The following MAP2K1 variants were observed in gnomAD, a reference collection of about 807,000 sequenced individuals.
The protein encoded by MAP2K1 is mitogen-activated protein kinase kinase 1.
Under a neutral mutation model 46.3 loss-of-function variants are expected in MAP2K1, and 16 were observed. The ratio of observed to expected loss-of-function variants is 0.35; its 90% CI spans 0.23 to 0.52. MAP2K1 has a LOEUF of 0.52. Among genes scored for constraint, MAP2K1 ranks in the 20% least tolerant of loss-of-function variants. The pLI is 0.94. For synonymous variants in MAP2K1, 183 were observed against 185.6 expected (o/e 0.99, Z 0.11); for missense variants, 263 against 497.1 (o/e 0.53, Z 4.48).
chr15:66,414,124 C>T (rs898673231), intron 1 of MAP2K1, among the ~76,000 whole-genome samples: 7 of 152,040 alleles, frequency 4.6e-5, no homozygotes. Context: ...CAGGTTATCT[C>T]CAACTCACCT....
At chr15:66,457,594 T>A (rs1892199668) in intron 5 of MAP2K1, among the ~76,000 whole-genome samples, 1 of 152,174 alleles carries the variant, frequency 6.6e-6, no homozygotes, top group African/African-American at 2.4e-5. Flanking sequence ...GTCCTTTTTT[T>A]ATAGAAAAAT....
intron 4 of MAP2K1, 117 bp from the exon 5 acceptor site, chr15:66,444,539 A>T (rs1891811368): frequency 1.2e-6 from 1 of 812,698 alleles, no homozygotes; most frequent in African/African-American, 1.7e-5. Context: ...GTCTCAAAGG[A>T]GGAAGGCAAA....
intron 1 of MAP2K1, among the ~76,000 whole-genome samples, chr15:66,434,257 ATTTT>A (rs2093481764): frequency 6.6e-6 from 1 of 152,152 alleles, no homozygotes; most frequent in Non-Finnish European, 1.5e-5. Context: ...AAACTCTAGA[ATTTT>A]ATATTGTGAT....
intron 5 of MAP2K1, among the ~76,000 whole-genome samples, chr15:66,469,782 A>G (rs1158838137): frequency 6.8e-6 from 1 of 146,718 alleles, no homozygotes; most frequent in Non-Finnish European, 1.5e-5. Context: ...CTTTAAAAAA[A>G]TCTGTTTAAA....
chr15:66,485,887 T>C (rs1241268906), intron 7 of MAP2K1, among the ~76,000 whole-genome samples: 2 of 152,042 alleles, frequency 1.3e-5, no homozygotes, highest in Non-Finnish European at 2.9e-5. Flanking sequence ...GCTTCTAATT[T>C]GTGGGTTTTT....
intron 3 of MAP2K1, among the ~76,000 whole-genome samples, chr15:66,439,560 A>G (rs560090650): frequency 6.6e-6 from 1 of 152,192 alleles, no homozygotes; most frequent in African/African-American, 2.4e-5. Context: ...TGAGGTCAGG[A>G]GTTCGAGACC....
At chr15:66,429,589 G>A (rs757390858) in intron 1 of MAP2K1, among the ~76,000 whole-genome samples, 55 of 151,234 alleles carry the variant, frequency 3.6e-4, no homozygotes, top group South Asian at 8.4e-4. Context: ...AAGGATTGAG[G>A]TATGGGAAGG....
chr15:66,396,995 C>CTTTTTT (rs57043037), intron 1 of MAP2K1, among the ~76,000 whole-genome samples: 1 of 39,276 alleles, frequency 2.5e-5, no homozygotes, highest in African/African-American at 1.0e-4. Flanking sequence ...TGTAACGCTT[C>CTTTTTT]TTTTTTTTTT....
chr15:66,394,527 C>T (rs537250481), intron 1 of MAP2K1, among the ~76,000 whole-genome samples: 1 of 140,848 alleles, frequency 7.1e-6, no homozygotes, highest in East Asian at 2.1e-4. Context: ...TGCATTGGTG[C>T]TCACTATAAC....
intron 3 of MAP2K1, among the ~76,000 whole-genome samples, chr15:66,438,518 T>C (rs1318759258): frequency 6.6e-6 from 1 of 152,262 alleles, no homozygotes; most frequent in Non-Finnish European, 1.5e-5. Context: ...CTTACAGATG[T>C]TGATCACATC....
chr15:66,420,974 T>TACACAC, intron 1 of MAP2K1, among the ~76,000 whole-genome samples: 1 of 35,294 alleles, frequency 2.8e-5, no homozygotes, highest in Non-Finnish European at 5.4e-5. Flanking sequence ...TACACACACA[T>TACACAC]ACATACACAC....
chr15:66,398,333 T>C (rs2093373199), intron 1 of MAP2K1, among the ~76,000 whole-genome samples: 2 of 152,108 alleles, frequency 1.3e-5, no homozygotes, highest in Admixed American at 6.6e-5. Context: ...GGAGGATTGC[T>C]TGAGCCCAGG....
At chr15:66,485,985 A>G (rs957233415) in intron 7 of MAP2K1, among the ~76,000 whole-genome samples, 11 of 151,728 alleles carry the variant, frequency 7.2e-5, no homozygotes, top group African/African-American at 2.4e-4. Context: ...TGCAGCCTTG[A>G]CCTCTTGGGC....
chr15:66,457,717 T>G (rs996101392), intron 5 of MAP2K1, among the ~76,000 whole-genome samples: 2 of 152,170 alleles, frequency 1.3e-5, no homozygotes, highest in South Asian at 2.1e-4. Context: ...ATCCCAGCAC[T>G]TTGGGAGATC....
At chr15:66,479,087 C>T (rs1374739776) in intron 5 of MAP2K1, among the ~76,000 whole-genome samples, 1 of 151,722 alleles carries the variant, frequency 6.6e-6, no homozygotes, top group Non-Finnish European at 1.5e-5. Flanking sequence ...ATCTCTTGGG[C>T]CTTAGCCTTC....
intron 3 of MAP2K1, among the ~76,000 whole-genome samples, chr15:66,440,093 TTTG>T (rs2093499711): frequency 7.7e-6 from 1 of 130,714 alleles, no homozygotes; most frequent in Admixed American, 7.0e-5. Context: ...GGGTTCTGTT[TTTG>T]TTTGTTTGTT....
chr15:66,476,992 C>T (rs376082551), intron 5 of MAP2K1, among the ~76,000 whole-genome samples: 2 of 152,156 alleles, frequency 1.3e-5, no homozygotes, highest in African/African-American at 4.8e-5. Flanking sequence ...CTCTGGGGTT[C>T]AGTGATCTCA....
chr15:66,407,046 C>T (rs2093399086), intron 1 of MAP2K1, among the ~76,000 whole-genome samples: 1 of 152,022 alleles, frequency 6.6e-6, no homozygotes, highest in Admixed American at 6.6e-5. Context: ...TGGAAGGGGT[C>T]CCCAGGAGCT....
intron 1 of MAP2K1, among the ~76,000 whole-genome samples, chr15:66,395,179 G>A (rs951023786): frequency 3.3e-5 from 5 of 152,156 alleles, no homozygotes; most frequent in African/African-American, 1.2e-4. Context: ...TGCATATACT[G>A]TGTTTTTTCC....
Sources: allele counts gnomAD v4.1 joint callset (sites outside exome capture counted in the v4.1 genomes callset), GRCh38; gene constraint gnomAD v4.1.1; transcripts MANE v1.5; gene names NCBI Gene and HGNC (gene_info 2026-07-23, HGNC 2026-07-21).